The following MTMR10 variants were observed in gnomAD, a reference collection of about 807,000 sequenced individuals.
The protein encoded by MTMR10 is myotubularin-related protein 10.
Under a neutral mutation model 88.1 loss-of-function variants are expected in MTMR10, and 56 were observed. The observed-to-expected ratio is 0.64, with a 90% confidence interval of 0.51 to 0.79. The LOEUF (loss-of-function observed/expected upper bound fraction) is 0.79. Ranked by LOEUF, MTMR10 falls within the 30% of genes least tolerant of loss-of-function variation. MTMR10 has a pLI of 0.00. For missense variants in MTMR10, 883 were observed against 924.7 expected (o/e 0.95, Z 0.58); for synonymous variants, 380 against 340.9 (o/e 1.11, Z -1.26).
the MTMR10 span, among the ~76,000 whole-genome samples, chr15:30,933,685 T>C: frequency 6.6e-6 from 1 of 152,240 alleles, no homozygotes; most frequent in African/African-American, 2.4e-5. Flanking sequence ...ACTGATTTCT[T>C]ATTTACTTGT....
intron 14 of MTMR10, among the ~76,000 whole-genome samples, chr15:30,944,588 T>C (rs2063141618): frequency 6.6e-6 from 1 of 151,234 alleles, no homozygotes; most frequent in Non-Finnish European, 1.5e-5. Flanking sequence ...AAAAAAATTT[T>C]AGTTACTTGA....
chr15:30,974,498 GTTAT>G (rs773557015), intron 4 of MTMR10, 42 bp from the exon 5 acceptor site: 1 of 1,438,718 alleles, frequency 7.0e-7, no homozygotes, highest in African/African-American at 1.4e-5. Flanking sequence ...ATGCGTAACA[GTTAT>G]TTGTTACTCA....
intron 1 of MTMR10, 73 bp downstream of exon 1, chr15:30,991,374 T>TC (rs1239498893): frequency 7.4e-7 from 1 of 1,357,428 alleles, no homozygotes; most frequent in African/African-American, 1.5e-5. Flanking sequence ...GTCCTCCAGT[T>TC]CCCGGGGGTC....
In MTMR10 at chr15:30,941,398, C is replaced by T. The variant is rs1293987484; in HGVS notation, c.*72G>A. ...ATAAAGTTATTAGAGATTCAAACGC[C>T]TAGGTTAGCAATGTTAATTCAGAGG... On this transcript the variant is annotated 3_prime_UTR_variant, in exon 16 of 16. Coordinates refer to ENST00000435680, the MANE Select transcript of MTMR10 (RefSeq NM_017762.3). 1 of 1,553,220 alleles carries T rather than the reference C, an allele frequency of 6.4e-7. No homozygotes were observed. Among genetic ancestry groups the T allele is most frequent in the Non-Finnish European group, 8.7e-7 (1 of 1,153,018 alleles).
At chr15:30,982,026 A>C (rs2030612275) in intron 2 of MTMR10, among the ~76,000 whole-genome samples, 1 of 151,714 alleles carries the variant, frequency 6.6e-6, no homozygotes, top group African/African-American at 2.4e-5. Flanking sequence ...AGCGGAGATC[A>C]CGCCACTGCA....
the MTMR10 span, chr15:30,926,003 G>C: frequency 6.4e-7 from 1 of 1,551,556 alleles, no homozygotes; most frequent in East Asian, 2.3e-5. Flanking sequence ...GCACTGGATG[G>C]GCTGTCAGCA....
At chr15:30,981,674 G>T (rs965359568) in intron 2 of MTMR10, among the ~76,000 whole-genome samples, 6 of 152,186 alleles carry the variant, frequency 3.9e-5, no homozygotes, top group Admixed American at 1.3e-4. Flanking sequence ...TCAATTTGAT[G>T]ATGTTTCTAG....
At chr15:30,924,938 G>A in the MTMR10 span, among the ~76,000 whole-genome samples, 1 of 152,212 alleles carries the variant, frequency 6.6e-6, no homozygotes, top group South Asian at 2.1e-4. Context: ...GAAGGCTCTG[G>A]TTGCCAGATG....
chr15:30,943,278 T>C, intron 14 of MTMR10: 2 of 985,410 alleles, frequency 2.0e-6, no homozygotes, highest in Non-Finnish European at 2.4e-6. Flanking sequence ...ACAAGGAGTG[T>C]GCTTTTCAGG....
Position 30,991,499 on chromosome 15 carries a change from G to C in MTMR10, c.8C>G (p.Ser3Cys), listed in dbSNP as rs771732352. ...GAAGGTGGGTTTGGGCGGCTTGAGGGAGAACATGGTGCCGCCGCCTTTTCG... is the reference window on the plus strand; with the variant it reads ...GAAGGTGGGTTTGGGCGGCTTGAGGCAGAACATGGTGCCGCCGCCTTTTCG... MF[S>C]LKPPKPTFRS... Residue 3 changes from serine (S) to cysteine (C), a missense_variant, in exon 1 of 16, where the codon TCC becomes TGC. Ser to Cys is a moderately radical substitution (Grantham distance 112, BLOSUM62 -1). Coordinates refer to ENST00000435680, the MANE Select transcript of MTMR10 (RefSeq NM_017762.3). The C allele has an allele frequency of 1.3e-6, 2 of 1,526,498 alleles. No individual in the cohort carries two copies. Among genetic ancestry groups the C allele is most frequent in the South Asian group, 2.5e-5 (2 of 78,562 alleles). The allele number at this position is 1,526,498 out of a possible 1,614,324, so 94.6% of individuals were successfully genotyped here.
At chr15:30,933,115 C>T in the MTMR10 span, among the ~76,000 whole-genome samples, 1 of 152,014 alleles carries the variant, frequency 6.6e-6, no homozygotes, top group East Asian at 1.9e-4. Context: ...CTCTTTTTTC[C>T]CTAATGAGTC....
At chr15:30,953,533 A>G (rs1478304082) in intron 11 of MTMR10, 29 bp downstream of exon 11, 1 of 1,481,718 alleles carries the variant, frequency 6.7e-7, no homozygotes, top group Non-Finnish European at 9.2e-7. Context: ...ATAAAAAGTT[A>G]AAGGAAAAGA....
the MTMR10 span, chr15:30,922,185 G>A: frequency 1.9e-6 from 3 of 1,588,960 alleles, no homozygotes; most frequent in Non-Finnish European, 2.6e-6. Flanking sequence ...TATCATTGCA[G>A]CTGGATTTTT....
intron 2 of MTMR10, among the ~76,000 whole-genome samples, chr15:30,981,314 G>T (rs1197455489): frequency 6.6e-6 from 1 of 152,198 alleles, no homozygotes; most frequent in Non-Finnish European, 1.5e-5. Context: ...TACAGAAAAG[G>T]AAAAACAGTC....
At chr15:30,953,057 TG>T (rs2063272817) in intron 11 of MTMR10, among the ~76,000 whole-genome samples, 1 of 152,218 alleles carries the variant, frequency 6.6e-6, no homozygotes, top group Non-Finnish European at 1.5e-5. Flanking sequence ...CCCAAAGTGC[TG>T]GGATTACAGG....
rs774800788 is a variant in MTMR10 at position 30,941,678 on chromosome 15, C to G, written c.2126G>C (p.Gly709Ala). The G allele has an allele frequency of 1.9e-6, 3 of 1,613,624 alleles. No homozygotes were observed. In the East Asian group the frequency reaches 6.7e-5, roughly 36 times the overall value. Residue 709 changes from glycine to alanine, a missense_variant, in exon 16 of 16, where the codon GGG becomes GCG. By Grantham distance (60) the Gly-to-Ala change is moderately conservative. Transcript: ENST00000435680. ...GTACATCCTGCTCTGGCCCAGCTCC[C>G]CATAGCAGGCCTCCAGGGGGCCACT... ...QRSGPLEACY[G>A]ELGQSRMYFN...
At position 30,952,791 on chromosome 15, in the gene MTMR10, T is replaced by C. The variant is rs114963190; in HGVS notation, c.1137-753A>G. ...TGAGCTACCACAACCGGCCCCACTT[T>C]GTAAATTTTTTTTTTTGAGATGGAG... On this transcript the variant is annotated intron_variant, in intron 11 of 15. Coordinates refer to ENST00000435680, the MANE Select transcript of MTMR10 (RefSeq NM_017762.3). Among the ~76,000 whole-genome samples the C allele has an allele frequency of 5.0e-3, 764 of 152,196 alleles. 6 individuals carry two copies. The highest frequency in any genetic ancestry group is 0.018 in the African/African-American group (727 of 41,520).
intron 2 of MTMR10, among the ~76,000 whole-genome samples, chr15:30,981,526 ATAC>A (rs2030570837): frequency 6.6e-6 from 1 of 152,260 alleles, no homozygotes; most frequent in African/African-American, 2.4e-5. Context: ...ACCAAGAGGC[ATAC>A]TACAAGACAC....
chr15:30,924,993 C>T, the MTMR10 span: 1 of 867,822 alleles, frequency 1.2e-6, no homozygotes, highest in South Asian at 1.8e-5. Flanking sequence ...GCCTAAATCT[C>T]TAGAAGTGCT....
Sources: allele counts gnomAD v4.1 joint callset (sites outside exome capture counted in the v4.1 genomes callset), GRCh38; gene constraint gnomAD v4.1.1; transcripts MANE v1.5; gene names NCBI Gene and HGNC (gene_info 2026-07-23, HGNC 2026-07-21).